ATP6V1C2: variants seen among roughly 807,000 people sequenced by gnomAD.
The protein encoded by ATP6V1C2 is ATPase H+ transporting V1 subunit C2.
Under a neutral mutation model 56.8 loss-of-function variants are expected in ATP6V1C2, and 45 were observed. The ratio of observed to expected loss-of-function variants is 0.79; its 90% CI spans 0.62 to 1.02. The LOEUF is 1.02. Ranked by LOEUF, ATP6V1C2 falls within the 50% of genes least tolerant of loss-of-function variation. ATP6V1C2 has a pLI of 0.00. For synonymous variants in ATP6V1C2, 220 were observed against 201.3 expected (o/e 1.09, Z -0.79); for missense variants, 463 against 519.7 (o/e 0.89, Z 1.06).
At position 10,753,624 on chromosome 2, in the gene ATP6V1C2, C is replaced by T. The variant is rs182476996; in HGVS notation, c.198-357C>T. ...TCGGCTCACTGCAACCTCCACCTCC[C>T]GGGTTCAAGCGATTCTCCTGCCTCG... is the stretch of plus-strand genomic sequence containing the variant. On this transcript the variant is annotated intron_variant, in intron 3 of 13. Coordinates refer to ENST00000272238, the MANE Select transcript of ATP6V1C2 (RefSeq NM_001039362.2). 8.6e-5 allele frequency among the ~76,000 whole-genome samples: 13 copies of T among 151,916 alleles called. No individual in the cohort carries two copies. The East Asian group carries it at 2.1e-3, about 25-fold the overall frequency.
intron 3 of ATP6V1C2, among the ~76,000 whole-genome samples, chr2:10,740,933 C>T (rs554643883): frequency 3.3e-5 from 5 of 152,212 alleles, no homozygotes; most frequent in East Asian, 1.9e-4. Context: ...GTGATCCGCC[C>T]GCCTTGGCCT....
rs1175047282 is a variant in ATP6V1C2 at position 10,780,451 on chromosome 2, G to T, written c.1061+1782G>T. On this transcript the variant is annotated intron_variant, in intron 12 of 13. Transcript: ENST00000272238. The surrounding 1 kb of genome is among the most constrained non-coding windows in gnomAD (Gnocchi z 4.1). ...AGATACAGATCTGACCTTGGTTCCT[G>T]GTTCTTCTGCCCTGCACATGCACCG... Among the ~76,000 whole-genome samples the T allele has an allele frequency of 6.6e-6, 1 of 152,174 alleles. No individual in the cohort carries two copies. Among genetic ancestry groups the T allele is most frequent in the Non-Finnish European group, 1.5e-5 (1 of 68,030 alleles).
intron 3 of ATP6V1C2, among the ~76,000 whole-genome samples, chr2:10,730,449 A>G (rs915920463): frequency 6.6e-6 from 1 of 151,652 alleles, no homozygotes; most frequent in Non-Finnish European, 1.5e-5. Context: ...GATTAGTGCT[A>G]TGGGCTAAAA....
chr2:10,743,852 G>T (rs1198728821), intron 3 of ATP6V1C2, among the ~76,000 whole-genome samples: 1 of 151,824 alleles, frequency 6.6e-6, no homozygotes, highest in Non-Finnish European at 1.5e-5. Context: ...AGGCATGATG[G>T]CGGGCACCTA....
At chr2:10,779,979 C>T (rs114712164) in intron 12 of ATP6V1C2, among the ~76,000 whole-genome samples, 12,732 of 152,194 alleles carry the variant, frequency 0.084, 660 homozygotes, top group South Asian at 0.15. Context: ...CGCTCTGACT[C>T]GCGGCCTCCT....
At chr2:10,729,280 C>T (rs1297181260) in intron 3 of ATP6V1C2, among the ~76,000 whole-genome samples, 1 of 151,640 alleles carries the variant, frequency 6.6e-6, no homozygotes, top group Non-Finnish European at 1.5e-5. Flanking sequence ...TCTCCTGCCT[C>T]AACCTCCCGA....
chr2:10,747,416 G>T (rs1662980328), intron 3 of ATP6V1C2, among the ~76,000 whole-genome samples: 1 of 152,110 alleles, frequency 6.6e-6, no homozygotes, highest in Non-Finnish European at 1.5e-5. Flanking sequence ...TTACAGACAT[G>T]ATATTCCTTT....
chr2:10,752,519 T>C (rs1188675261), intron 3 of ATP6V1C2, among the ~76,000 whole-genome samples: 1 of 152,216 alleles, frequency 6.6e-6, no homozygotes, highest in Non-Finnish European at 1.5e-5. Context: ...TCATCATAAC[T>C]TTCAGACTTT....
chr2:10,722,481 C>A (rs1167740384), intron 1 of ATP6V1C2, among the ~76,000 whole-genome samples: 3 of 152,102 alleles, frequency 2.0e-5, no homozygotes, highest in Non-Finnish European at 4.4e-5. Flanking sequence ...GGAAGGAAGA[C>A]AAATATTCCC....
In ATP6V1C2 at chr2:10,754,022, A is replaced by G; in HGVS notation, c.239A>G (p.Glu80Gly). The change falls in exon 4 of 14, where the codon GAG becomes GGG. Residue 80 changes from glutamate to glycine, a missense_variant. Coordinates refer to ENST00000272238, the MANE Select transcript of ATP6V1C2 (RefSeq NM_001039362.2). ...GCTCAGAGCGTGGTGGAAGTCATGG[A>G]GGACTCAAAGGGGAAGGTCCAGGAG... The part of the protein sequence containing the change: ...RMAQSVVEVM[E>G]DSKGKVQEHL... 6.2e-7 allele frequency: 1 copy of G among 1,607,990 alleles called. No individual in the cohort carries two copies. Among genetic ancestry groups the G allele is most frequent in the Non-Finnish European group, 8.5e-7 (1 of 1,176,658 alleles).
chr2:10,725,878 G>A (rs1223031836), intron 2 of ATP6V1C2, among the ~76,000 whole-genome samples: 2 of 151,628 alleles, frequency 1.3e-5, no homozygotes, highest in African/African-American at 4.8e-5. Flanking sequence ...TCGGGAGTTC[G>A]AGACCAGCCT....
chr2:10,745,303 G>A (rs1181916495), intron 3 of ATP6V1C2, among the ~76,000 whole-genome samples: 1 of 150,222 alleles, frequency 6.7e-6, no homozygotes, highest in African/African-American at 2.5e-5. Flanking sequence ...CTCCCAAAGT[G>A]CAGGGATTAT....
chr2:10,732,093 CCT>C (rs1661980290), intron 3 of ATP6V1C2, among the ~76,000 whole-genome samples: 2 of 152,136 alleles, frequency 1.3e-5, no homozygotes. Context: ...AGTCTTTTAA[CCT>C]CTTATTCACT....
intron 2 of ATP6V1C2, among the ~76,000 whole-genome samples, chr2:10,724,692 G>A (rs570107314): frequency 1.1e-4 from 12 of 107,628 alleles, no homozygotes; most frequent in African/African-American, 2.5e-4. Flanking sequence ...TTTTTTTTTT[G>A]GTTGGAGCCT....
chr2:10,773,723 A>C (rs1664777597), intron 8 of ATP6V1C2, among the ~76,000 whole-genome samples: 2 of 152,176 alleles, frequency 1.3e-5, no homozygotes, highest in African/African-American at 2.4e-5. Context: ...ATGGCCGAGA[A>C]GGTTTGTAAT....
chr2:10,749,088 C>G (rs967595502), intron 3 of ATP6V1C2, among the ~76,000 whole-genome samples: 1 of 145,452 alleles, frequency 6.9e-6, no homozygotes, highest in Non-Finnish European at 1.5e-5. Context: ...CGAGATCACA[C>G]CATTGTATTC....
Position 10,783,921 on chromosome 2 carries a change from A to T in ATP6V1C2, c.*658A>T, listed in dbSNP as rs1264081943. 1.6e-5 allele frequency: 3 copies of T among 190,028 alleles called. No individual in the cohort carries two copies. The highest frequency in any genetic ancestry group is 3.2e-5 in the Non-Finnish European group (3 of 92,960). The allele number at this position is 190,028 out of a possible 1,614,324, so 11.8% of individuals were successfully genotyped here. On this transcript the variant is annotated 3_prime_UTR_variant, in exon 14 of 14. Coordinates refer to ENST00000272238, the MANE Select transcript of ATP6V1C2 (RefSeq NM_001039362.2). ...AAGCCATTAATATTCAAATGAAGGGATCACATTAAAAAAAACCCATACATA... is the reference window on the plus strand; with the variant it reads ...AAGCCATTAATATTCAAATGAAGGGTTCACATTAAAAAAAACCCATACATA...
Position 10,784,179 on chromosome 2 carries a change from T to G in ATP6V1C2, c.*916T>G, listed in dbSNP as rs1225590863. On this transcript the variant is annotated 3_prime_UTR_variant, in exon 14 of 14. Transcript: ENST00000272238. ...GGCCACTGGTAGAGTCATCTGAGTG[T>G]AGAGAATGTCCCTTCACTGCTGGAA... 1 of 1,057,240 alleles carries G rather than the reference T, an allele frequency of 9.5e-7. No homozygotes were observed. Among genetic ancestry groups the G allele is most frequent in the East Asian group, 2.4e-5 (1 of 41,814 alleles). The allele number at this position is 1,057,240 out of a possible 1,614,324, so 65.5% of individuals were successfully genotyped here. A position where few individuals can be genotyped will look rare whatever the true frequency, so the allele number is the denominator to read the frequency against.
At chr2:10,773,802 C>T (rs992117212) in intron 8 of ATP6V1C2, among the ~76,000 whole-genome samples, 3 of 152,248 alleles carry the variant, frequency 2.0e-5, no homozygotes, top group Admixed American at 6.5e-5. Flanking sequence ...ACAGAACTCC[C>T]GGTGCAAGGC....
Sources: gnomAD v4.1 joint callset for allele counts (sites outside exome capture counted in the v4.1 genomes callset) on GRCh38, gnomAD v4.1.1 for gene constraint, Gnocchi (gnomAD v3.1) non-coding constraint, MANE v1.5 for transcripts, NCBI Gene and HGNC (gene_info 2026-07-23, HGNC 2026-07-21) for gene names.